Variants in MTUS2 observed in about 807,000 individuals in gnomAD.
The protein encoded by MTUS2 is microtubule associated scaffold protein 2.
MTUS2 carries 40 observed loss-of-function variants against 114.1 expected under a neutral mutation model. The observed-to-expected ratio is 0.35, with a 90% CI of 0.27 to 0.46. The LOEUF is 0.46. MTUS2 is among the 20% of genes least tolerant of loss of function. The probability of loss-of-function intolerance (pLI) is 1.00; values close to 1 mark genes in which losing one functional copy is unlikely to be tolerated. For missense variants in MTUS2, 1,679 were observed against 1,705.4 expected (o/e 0.98, Z 0.27); for synonymous variants, 688 against 672.0 (o/e 1.02, Z -0.37).
intron 8 of MTUS2, among the ~76,000 whole-genome samples, chr13:29,380,345 C>A (rs1234667020): frequency 2.0e-5 from 3 of 152,316 alleles, no homozygotes; most frequent in Non-Finnish European, 2.9e-5. Context: ...ACTGTAAACT[C>A]CCTTGTGCTA....
upstream of MTUS2, chr13:28,820,304 AGCGGAGCGCAGCCGCGGC>A (rs1448299216): frequency 6.8e-6 from 1 of 147,398 alleles, no homozygotes; most frequent in African/African-American, 2.5e-5. Flanking sequence ...GGGGGCGCGG[AGCGGAGCGCAGCCGCGGC>A]GCGGGCGTGG....
chr13:29,428,469 A>T (rs1363400277), intron 8 of MTUS2, among the ~76,000 whole-genome samples: 1 of 152,112 alleles, frequency 6.6e-6, no homozygotes, highest in East Asian at 1.9e-4. Context: ...CCCAGAGGAG[A>T]GCAGGCTGTC....
rs1220932543 is a variant in MTUS2, at chr13:29,032,016, T to C, written c.2206-1869T>C. Among the ~76,000 whole-genome samples the C allele has an allele frequency of 2.0e-5, 3 of 152,144 alleles. No homozygotes were observed. The East Asian group carries it at 5.8e-4, about 29-fold the overall frequency. The stretch of plus-strand genomic sequence containing the variant: ...AAGTGAGTTCTCTAAAAACCCTCCA[T>C]TGGGATGGAGGGAGGGGAACAGCAA... On this transcript the variant is annotated intron_variant, in intron 3 of 15. Transcript: ENST00000612955.
chr13:29,481,258 A>G (rs901934307), intron 10 of MTUS2, among the ~76,000 whole-genome samples: 9 of 152,308 alleles, frequency 5.9e-5, no homozygotes, highest in Middle Eastern at 3.4e-3. Context: ...GCTTGTCAGT[A>G]TGAAAGCTAG....
chr13:29,160,486 T>C (rs1160922960), intron 5 of MTUS2, among the ~76,000 whole-genome samples: 1 of 152,092 alleles, frequency 6.6e-6, no homozygotes, highest in Non-Finnish European at 1.5e-5. Context: ...AAATTATATC[T>C]GGGGCTGGGC....
At chr13:29,099,611 T>C (rs1890325167) in intron 4 of MTUS2, among the ~76,000 whole-genome samples, 2 of 152,232 alleles carry the variant, frequency 1.3e-5, no homozygotes, top group Non-Finnish European at 2.9e-5. Context: ...AATCCTCGTT[T>C]ACTCTGAAAC....
intron 5 of MTUS2, among the ~76,000 whole-genome samples, chr13:29,205,395 T>C (rs1895140661): frequency 2.6e-5 from 4 of 151,772 alleles, no homozygotes; most frequent in Admixed American, 2.6e-4. Context: ...ATTTCTCTCT[T>C]TTCGCTTTTG....
At chr13:28,864,378 T>C (rs1877173734) in intron 2 of MTUS2, among the ~76,000 whole-genome samples, 1 of 152,212 alleles carries the variant, frequency 6.6e-6, no homozygotes, top group South Asian at 2.1e-4. Flanking sequence ...TTTCAGGATA[T>C]CATGTTAGGC....
chr13:29,055,197 A>T (rs528892681), intron 4 of MTUS2, among the ~76,000 whole-genome samples: 3 of 152,210 alleles, frequency 2.0e-5, no homozygotes, highest in African/African-American at 7.2e-5. Flanking sequence ...TTTGCTTCAC[A>T]TTTTAAAGCT....
At chr13:29,323,471 C>T (rs953924256) in intron 6 of MTUS2, among the ~76,000 whole-genome samples, 7 of 152,118 alleles carry the variant, frequency 4.6e-5, no homozygotes, top group African/African-American at 1.2e-4. Flanking sequence ...AGGATTGTCT[C>T]GATCTCCTGA....
chr13:29,243,944 C>A (rs1896819131), intron 5 of MTUS2, among the ~76,000 whole-genome samples: 1 of 152,200 alleles, frequency 6.6e-6, no homozygotes, highest in African/African-American at 2.4e-5. Context: ...TTAATAGCAA[C>A]ACAGAGGCAT....
At chr13:29,131,349 C>G (rs1891754450) in intron 5 of MTUS2, among the ~76,000 whole-genome samples, 1 of 152,254 alleles carries the variant, frequency 6.6e-6, no homozygotes, top group African/African-American at 2.4e-5. Flanking sequence ...AGCTGATTGT[C>G]TTGACCACTA....
intron 4 of MTUS2, among the ~76,000 whole-genome samples, chr13:29,039,253 C>T (rs1439420281): frequency 6.6e-6 from 1 of 152,200 alleles, no homozygotes; most frequent in African/African-American, 2.4e-5. Flanking sequence ...GGTAGCTGCC[C>T]ATGACAACAG....
intron 5 of MTUS2, among the ~76,000 whole-genome samples, chr13:29,206,904 T>C (rs1208845030): frequency 2.6e-5 from 4 of 152,188 alleles, no homozygotes; most frequent in African/African-American, 9.6e-5. Flanking sequence ...CTTTTTTGGT[T>C]CTATATGAAT....
chr13:29,050,749 T>C (rs993436504), intron 4 of MTUS2, among the ~76,000 whole-genome samples: 1 of 152,196 alleles, frequency 6.6e-6, no homozygotes, highest in African/African-American at 2.4e-5. Flanking sequence ...GAATATGCCA[T>C]GTTGGTTTCC....
At chr13:29,301,997 C>A (rs549271420) in intron 6 of MTUS2, among the ~76,000 whole-genome samples, 1 of 152,172 alleles carries the variant, frequency 6.6e-6, no homozygotes, top group Non-Finnish European at 1.5e-5. Flanking sequence ...GGGATTCACT[C>A]TCATGATTTA....
intron 7 of MTUS2, among the ~76,000 whole-genome samples, chr13:29,358,542 A>G (rs1355686723): frequency 6.6e-6 from 1 of 152,218 alleles, no homozygotes; most frequent in African/African-American, 2.4e-5. Flanking sequence ...CACACAAGTG[A>G]TGACGTGCCT....
chr13:29,005,665 A>G (rs1480999349), intron 2 of MTUS2, among the ~76,000 whole-genome samples: 1 of 152,242 alleles, frequency 6.6e-6, no homozygotes, highest in Non-Finnish European at 1.5e-5. Context: ...GGAACTCTGT[A>G]CTGACTTTAG....
In MTUS2 at chr13:29,150,298, C is replaced by A. The variant is rs144683979; in HGVS notation, c.2644+49328C>A. On this transcript the variant is annotated intron_variant, in intron 5 of 15. Coordinates refer to ENST00000612955, the MANE Select transcript of MTUS2 (RefSeq NM_001033602.4). Reference sequence around the variant, plus strand: ...TAGCAATTGTGAGTGGGAGTTCATTCATGATTTGGTTGAGCATTTTTTCAT... The same window carrying A: ...TAGCAATTGTGAGTGGGAGTTCATTAATGATTTGGTTGAGCATTTTTTCAT... Among the ~76,000 whole-genome samples the A allele has an allele frequency of 8.3e-4, 127 of 152,162 alleles. 1 individual carries two copies. The highest frequency in any genetic ancestry group is 2.9e-3 in the African/African-American group (122 of 41,554).
Sources: gnomAD v4.1 joint callset for allele counts (sites outside exome capture counted in the v4.1 genomes callset) on GRCh38, gnomAD v4.1.1 for gene constraint, MANE v1.5 for transcripts, NCBI Gene and HGNC (gene_info 2026-07-23, HGNC 2026-07-21) for gene names.